The following NKD2 variants were observed in gnomAD, a reference collection of about 807,000 sequenced individuals.
NKD2 encodes protein naked cuticle homolog 2.
NKD2 carries 43 observed loss-of-function variants against 34.8 expected under a neutral mutation model. The ratio of observed to expected loss-of-function variants is 1.24; its 90% CI spans 0.97 to 1.60. The LOEUF (loss-of-function observed/expected upper bound fraction) is 1.60, where lower values mean the gene tolerates loss of function less well. Ranked by LOEUF, NKD2 falls within the 40% of genes most tolerant of loss-of-function variation. The pLI is 0.00. For synonymous variants in NKD2, 278 were observed against 265.1 expected, an observed-to-expected ratio of 1.05 and a Z score of -0.47; for missense variants, 675 against 627.1, an observed-to-expected ratio of 1.08 and a Z score of -0.82.
At chr5:1,037,005 G>A (rs1404181815) in intron 9 of NKD2, 1 of 341,168 alleles carries the variant, frequency 2.9e-6, no homozygotes, top group East Asian at 1.2e-4. Context: ...GGCAGGCAGT[G>A]TGGATGGCGG....
rs545336090 is a variant in NKD2 at position 1,030,016 on chromosome 5, G to A, written c.142-2136G>A. Reference sequence around the variant, plus strand: ...GGTGCCTGAGGGGGGATTGTGGTGCGGGGGGGGGGGTACTGAGAACCCTGG... The same window carrying A: ...GGTGCCTGAGGGGGGATTGTGGTGCAGGGGGGGGGGTACTGAGAACCCTGG... On this transcript the variant is annotated intron_variant, in intron 3 of 9. Coordinates refer to ENST00000296849, the MANE Select transcript of NKD2 (RefSeq NM_033120.4). Among the ~76,000 whole-genome samples the A allele has an allele frequency of 3.2e-4, 36 of 111,430 alleles. 1 individual carries two copies. The highest frequency in any genetic ancestry group is 3.2e-3 in the South Asian group (13 of 4,072). The allele number at this position is 111,430 out of a possible 152,430, so 73.1% of individuals were successfully genotyped here. A position where few individuals can be genotyped will look rare whatever the true frequency, so the allele number is the denominator to read the frequency against.
chr5:1,037,701 G>A (rs953054528), intron 9 of NKD2, 104 bp from the exon 10 acceptor site: 40 of 1,542,002 alleles, frequency 2.6e-5, no homozygotes, highest in Non-Finnish European at 3.3e-5. Flanking sequence ...GGCCTCAGGT[G>A]GGACCCCTGG....
chr5:1,038,588 C>T lies in NKD2; in HGVS notation c.*215C>T, dbSNP rs777033952. On this transcript the variant is annotated 3_prime_UTR_variant, in exon 10 of 10. Coordinates refer to ENST00000296849, the MANE Select transcript of NKD2 (RefSeq NM_033120.4). This position sits in a 1 kb window ranked among gnomAD's most constrained non-coding sequence, Gnocchi z 4.5. ...CAGGCGCCCTCTGCTCTTCTGCCCT[C>T]GATGCCACATGGCGGTGAACACATC... 7.8e-5 allele frequency: 71 copies of T among 914,962 alleles called. No individual in the cohort carries two copies. Among genetic ancestry groups the T allele is most frequent in the Admixed American group, 3.0e-4 (15 of 49,656 alleles). 56.7% of individuals were successfully genotyped at this position (914,962 alleles called of 1,614,324 possible).
intron 3 of NKD2, among the ~76,000 whole-genome samples, chr5:1,013,814 C>T (rs962461813): frequency 7.9e-5 from 12 of 152,276 alleles, no homozygotes; most frequent in East Asian, 1.9e-4. Context: ...TGGTCCTGCC[C>T]GCTCGGGTCA....
intron 9 of NKD2, 108 bp downstream of exon 9, chr5:1,036,492 GCCCCCCCCCAACCCCCCCCA>G: frequency 2.4e-6 from 1 of 411,712 alleles, no homozygotes; most frequent in South Asian, 5.4e-5. Context: ...GCCCTGCCCC[GCCCCCCCCCAACCCCCCCCA>G]CCCCACCCCA....
chr5:1,021,465 A>C (rs1560988154), intron 3 of NKD2, among the ~76,000 whole-genome samples: 1 of 147,680 alleles, frequency 6.8e-6, no homozygotes, highest in Admixed American at 6.8e-5. Context: ...TAGTACTTAA[A>C]TCTTTCACTT....
rs372377212 is a variant in NKD2 at position 1,020,788 on chromosome 5, G to A, written c.141+11228G>A. 8.6e-5 allele frequency among the ~76,000 whole-genome samples: 13 copies of A among 150,354 alleles called. 2 individuals carry two copies. The highest frequency in any genetic ancestry group is 6.8e-3 in the Middle Eastern group (2 of 294). ...TCACTTCCACTTGTAAGGATGCCCC[G>A]TGGGTTGGGCTGGGTGCCCCTTTAC... On this transcript the variant is annotated intron_variant, in intron 3 of 9. Coordinates refer to ENST00000296849, the MANE Select transcript of NKD2 (RefSeq NM_033120.4).
intron 3 of NKD2, among the ~76,000 whole-genome samples, chr5:1,025,935 C>T (rs1756375128): frequency 8.3e-6 from 1 of 120,746 alleles, no homozygotes; most frequent in Non-Finnish European, 1.7e-5. Context: ...ATTGTCCCTG[C>T]TCTTCCCACC....
chr5:1,030,503 A>G (rs1383103099), intron 3 of NKD2, among the ~76,000 whole-genome samples: 2 of 152,186 alleles, frequency 1.3e-5, no homozygotes, highest in East Asian at 1.9e-4. Flanking sequence ...TCTGCACTCC[A>G]TGGAAGCCCA....
intron 3 of NKD2, among the ~76,000 whole-genome samples, chr5:1,030,731 G>A (rs1478557013): frequency 6.6e-6 from 1 of 152,178 alleles, no homozygotes; most frequent in Non-Finnish European, 1.5e-5. Context: ...TGTCGGGACT[G>A]CAGCCCCCAG....
chr5:1,012,071 T>C (rs1755773011), intron 3 of NKD2, among the ~76,000 whole-genome samples: 1 of 152,244 alleles, frequency 6.6e-6, no homozygotes, highest in African/African-American at 2.4e-5. Context: ...TGGTAGTGAC[T>C]GCAGGGAGGA....
intron 9 of NKD2, 119 bp downstream of exon 9, chr5:1,036,503 A>ACCCCCCCCC (rs1491491725): frequency 3.3e-4 from 69 of 207,778 alleles, no homozygotes; most frequent in African/African-American, 2.6e-3. Context: ...CCCCCCCCCA[A>ACCCCCCCCC]CCCCCCCCAC....
At chr5:1,015,836 A>G (rs925937611) in intron 3 of NKD2, among the ~76,000 whole-genome samples, 1 of 152,124 alleles carries the variant, frequency 6.6e-6, no homozygotes, top group African/African-American at 2.4e-5. Flanking sequence ...CACAGGTCTT[A>G]CCAGCCGTGG....
chr5:1,019,921 A>G (rs536833846), intron 3 of NKD2, among the ~76,000 whole-genome samples: 54 of 152,324 alleles, frequency 3.5e-4, no homozygotes, highest in African/African-American at 1.2e-3. Context: ...TCTGCTTTCA[A>G]TCCCAGTGGA....
chr5:1,019,388 C>G (rs1373415458), intron 3 of NKD2, among the ~76,000 whole-genome samples: 1 of 152,200 alleles, frequency 6.6e-6, no homozygotes, highest in East Asian at 1.9e-4. Context: ...ACCGCTCTCC[C>G]CTGAGAGTGG....
rs1755636260 is a variant in NKD2, at chr5:1,009,025, G to C, written c.-33G>C. ...GGCTTCAGAACTCAGCCCTGCACCT[G>C]AGCGCGGGGCCCGGCGGGGCGTGGC... On this transcript the variant is annotated 5_prime_UTR_variant, in exon 1 of 10. The change abolishes the stop of an existing upstream ORF in the 5' untranslated region. Coordinates refer to ENST00000296849, the MANE Select transcript of NKD2 (RefSeq NM_033120.4). This position sits in a 1 kb window ranked among gnomAD's most constrained non-coding sequence, Gnocchi z 6.9. 4.5e-6 allele frequency: 2 copies of C among 446,024 alleles called. No homozygotes were observed. The highest frequency in any genetic ancestry group is 8.8e-5 in the Admixed American group (2 of 22,620). 27.6% of individuals were successfully genotyped at this position (446,024 alleles called of 1,614,324 possible).
rs1186305999 is a variant in NKD2, at chr5:1,034,741, G to A, written c.427-15G>A. The A allele has an allele frequency of 3.3e-5, 53 of 1,604,776 alleles. No individual in the cohort carries two copies. The highest frequency in any genetic ancestry group is 4.3e-5 in the Non-Finnish European group (50 of 1,173,678). On this transcript the variant is annotated splice_polypyrimidine_tract_variant and intron_variant, in intron 6 of 9. Coordinates refer to ENST00000296849, the MANE Select transcript of NKD2 (RefSeq NM_033120.4). ...TGGGGTCTGCTCTGTCAGTGAAACT[G>A]ATGCCGGGCCCCAGGACATGTCCAG... is the stretch of plus-strand genomic sequence containing the variant.
At chr5:1,031,366 G>A (rs1389140103) in intron 3 of NKD2, among the ~76,000 whole-genome samples, 7 of 152,174 alleles carry the variant, frequency 4.6e-5, no homozygotes, top group Non-Finnish European at 1.0e-4. Context: ...AGGTGGACGG[G>A]ACTGAGCTCT....
chr5:1,019,337 G>C (rs1193566856), intron 3 of NKD2, among the ~76,000 whole-genome samples: 1 of 152,208 alleles, frequency 6.6e-6, no homozygotes, highest in Non-Finnish European at 1.5e-5. Context: ...GATGCGCGTG[G>C]TCTTCTCTGA....
Sources: gnomAD v4.1 joint callset for allele counts (sites outside exome capture counted in the v4.1 genomes callset) on GRCh38, gnomAD v4.1.1 for gene constraint, Gnocchi (gnomAD v3.1) non-coding constraint, MANE v1.5 for transcripts, NCBI Gene and HGNC (gene_info 2026-07-23, HGNC 2026-07-21) for gene names.